NRG1: variants seen among roughly 807,000 people sequenced by gnomAD.
The protein encoded by NRG1 is pro-neuregulin-1, membrane-bound isoform.
NRG1 carries 18 observed loss-of-function variants against 63.8 expected under a neutral mutation model. The ratio of observed to expected loss-of-function variants is 0.28; its 90% CI spans 0.19 to 0.42. The LOEUF is 0.42. Among genes scored for constraint, NRG1 ranks in the 10% least tolerant of loss-of-function variants. NRG1 has a pLI of 1.00. For synonymous variants in NRG1, 302 were observed against 301.3 expected, an observed-to-expected ratio of 1.00 and a Z score of -0.02; for missense variants, 762 against 814.7, an observed-to-expected ratio of 0.94 and a Z score of 0.79.
intron 2 of NRG1, among the ~76,000 whole-genome samples, chr8:32,597,833 G>T (rs975650924): frequency 2.6e-5 from 4 of 152,086 alleles, no homozygotes; most frequent in Non-Finnish European, 2.9e-5. Flanking sequence ...TAAGTCTCAT[G>T]TTTAACAGCA....
intron 1 of NRG1, among the ~76,000 whole-genome samples, chr8:32,163,625 A>G (rs1157141631): frequency 2.6e-5 from 4 of 152,140 alleles, no homozygotes; most frequent in Non-Finnish European, 5.9e-5. Flanking sequence ...CAGAAATGTT[A>G]TCTTATGTTT....
intron 1 of NRG1, among the ~76,000 whole-genome samples, chr8:32,433,105 G>A (rs1381620601): frequency 6.6e-6 from 1 of 152,128 alleles, no homozygotes; most frequent in Admixed American, 6.5e-5. Flanking sequence ...GACTTGGACA[G>A]TCATTGTGCT....
chr8:32,164,924 A>G (rs1235781428), intron 1 of NRG1, among the ~76,000 whole-genome samples: 1 of 152,122 alleles, frequency 6.6e-6, no homozygotes, highest in African/African-American at 2.4e-5. Flanking sequence ...TGGAGTTACA[A>G]TGTCCCAAAG....
chr8:31,788,005 G>A (rs902804131), intron 1 of NRG1, among the ~76,000 whole-genome samples: 1 of 152,042 alleles, frequency 6.6e-6, no homozygotes, highest in African/African-American at 2.4e-5. Context: ...ACCCAATTTT[G>A]CCAGAGGGTT....
chr8:32,576,106 C>A (rs1250807874), intron 1 of NRG1, among the ~76,000 whole-genome samples: 1 of 152,122 alleles, frequency 6.6e-6, no homozygotes, highest in Non-Finnish European at 1.5e-5. Context: ...TACGTGTCAT[C>A]ATCTCACATA....
intron 1 of NRG1, among the ~76,000 whole-genome samples, chr8:32,246,489 GAAA>G: frequency 6.6e-6 from 1 of 152,154 alleles, no homozygotes; most frequent in African/African-American, 2.4e-5. Flanking sequence ...TGCCCCAAAT[GAAA>G]AGTACCTGGC....
intron 1 of NRG1, among the ~76,000 whole-genome samples, chr8:32,376,753 G>A (rs1809682646): frequency 6.6e-6 from 1 of 152,166 alleles, no homozygotes; most frequent in Admixed American, 6.6e-5. Context: ...GGCTGCTGCA[G>A]CTTTTGATTC....
At chr8:31,952,945 A>G (rs1489017562) in intron 1 of NRG1, among the ~76,000 whole-genome samples, 1 of 152,216 alleles carries the variant, frequency 6.6e-6, no homozygotes, top group Non-Finnish European at 1.5e-5. Context: ...AATTTTATGC[A>G]GTATTTTCCT....
At chr8:32,631,236 T>C (rs1461595140) in intron 5 of NRG1, among the ~76,000 whole-genome samples, 1 of 152,214 alleles carries the variant, frequency 6.6e-6, no homozygotes, top group Non-Finnish European at 1.5e-5. Flanking sequence ...AAAGGATTAA[T>C]TGGGATTACA....
chr8:32,728,658 A>G (rs1006314646), intron 6 of NRG1: 2 of 984,760 alleles, frequency 2.0e-6, no homozygotes, highest in African/African-American at 3.5e-5. Context: ...TTGGAAATAC[A>G]TTGTATGTAG....
At chr8:32,036,264 T>G (rs1819038375) in intron 1 of NRG1, among the ~76,000 whole-genome samples, 1 of 152,186 alleles carries the variant, frequency 6.6e-6, no homozygotes, top group South Asian at 2.1e-4. Flanking sequence ...TGCCCCAATC[T>G]CTTCTGGCTT....
At chr8:32,297,649 A>G (rs773047758) in intron 1 of NRG1, among the ~76,000 whole-genome samples, 3 of 152,126 alleles carry the variant, frequency 2.0e-5, no homozygotes, top group Non-Finnish European at 4.4e-5. Flanking sequence ...TACAAACCAG[A>G]GCGAAGTTGG....
chr8:31,820,481 A>G (rs1458216583), intron 1 of NRG1, among the ~76,000 whole-genome samples: 1 of 152,208 alleles, frequency 6.6e-6, no homozygotes, highest in Non-Finnish European at 1.5e-5. Context: ...TACTTCTGAG[A>G]CATACTGTCC....
intron 5 of NRG1, among the ~76,000 whole-genome samples, chr8:32,724,409 C>T (rs1375309528): frequency 2.0e-5 from 3 of 152,122 alleles, no homozygotes; most frequent in Non-Finnish European, 4.4e-5. Flanking sequence ...CTCCCAGCCC[C>T]CCCAGAAAGA....
intron 5 of NRG1, among the ~76,000 whole-genome samples, chr8:32,648,731 T>C: frequency 6.6e-6 from 1 of 152,226 alleles, no homozygotes; most frequent in East Asian, 1.9e-4. Context: ...TCTTATGTTT[T>C]ATAGAAATGT....
intron 3 of NRG1, among the ~76,000 whole-genome samples, chr8:32,612,696 G>A (rs1304785975): frequency 6.6e-6 from 1 of 151,942 alleles, no homozygotes. Context: ...TTCTTGGAAG[G>A]TCACAGTGGA....
At chr8:32,124,323 T>C (rs1833830756) in intron 1 of NRG1, among the ~76,000 whole-genome samples, 1 of 151,832 alleles carries the variant, frequency 6.6e-6, no homozygotes, top group South Asian at 2.1e-4. Flanking sequence ...TTGGTGAGCA[T>C]CCAGTATACT....
intron 1 of NRG1, among the ~76,000 whole-genome samples, chr8:31,898,120 A>G (rs1232255900): frequency 6.6e-6 from 1 of 151,886 alleles, no homozygotes; most frequent in East Asian, 1.9e-4. Context: ...ACCAATATAC[A>G]TCTTACATAT....
At position 32,082,366 on chromosome 8, in the gene NRG1, T is replaced by TC. The variant is rs528321131; in HGVS notation, c.37+442937dup. Among the ~76,000 whole-genome samples, 5 of 152,032 alleles carry TC rather than the reference T, an allele frequency of 3.3e-5. No homozygotes were observed. In the South Asian group the frequency reaches 8.3e-4, roughly 25 times the overall value. ...TCTGATCCTCTCCCTCCTCCTACCCTCCACCCTCCACCCTCAAGTAGGCCC... is the reference window on the plus strand; with the variant it reads ...TCTGATCCTCTCCCTCCTCCTACCCTCCCACCCTCCACCCTCAAGTAGGCCC... On this transcript the variant is annotated intron_variant, in intron 1 of 10. Transcript: ENST00000519301.
Sources: gnomAD v4.1 joint callset for allele counts (sites outside exome capture counted in the v4.1 genomes callset) on GRCh38, gnomAD v4.1.1 for gene constraint, MANE v1.5 for transcripts, NCBI Gene and HGNC (gene_info 2026-07-23, HGNC 2026-07-21) for gene names.